The following SLC27A3 variants were observed in gnomAD, a reference collection of about 807,000 sequenced individuals.
SLC27A3 encodes solute carrier family 27 member 3.
Under a neutral mutation model 60.1 loss-of-function variants are expected in SLC27A3, and 60 were observed. The observed-to-expected ratio is 1.00, with a 90% CI of 0.81 to 1.24. The LOEUF (loss-of-function observed/expected upper bound fraction) is 1.24, where lower values mean the gene tolerates loss of function less well. Among genes scored for constraint, SLC27A3 ranks in the 50% most tolerant of loss-of-function variants. SLC27A3 has a pLI of 0.00. For missense variants in SLC27A3, 1,079 were observed against 929.9 expected (o/e 1.16, Z -2.09); for synonymous variants, 455 against 409.0 (o/e 1.11, Z -1.36).
rs1673239139 is a variant in SLC27A3 at position 153,776,614 on chromosome 1, G to C, written c.764G>C (p.Ser255Thr). ...CCAGGAACCCACCCTGCTGGAATTA[G>C]CGATTTGCTGGCTGAAGTGTCCGCT... ...AGPGTHPAGI[S>T]DLLAEVSAEV... Residue 255 changes from serine to threonine, a missense_variant, in exon 2 of 10, where the codon AGC becomes ACC. Coordinates refer to ENST00000624995, the MANE Select transcript of SLC27A3 (RefSeq NM_024330.4). 3 of 1,614,206 alleles carry C rather than the reference G, an allele frequency of 1.9e-6. No homozygotes were observed. The highest frequency in any genetic ancestry group is 2.5e-6 in the Non-Finnish European group (3 of 1,180,040).
At chr1:153,779,591 G>T (rs554869822) in intron 9 of SLC27A3, 118 bp downstream of exon 9, 3 of 1,196,266 alleles carry the variant, frequency 2.5e-6, no homozygotes, top group Non-Finnish European at 3.5e-6. Context: ...GACCCCCAAC[G>T]TAATACACTC....
At chr1:153,778,117 G>A (rs1418374525) in intron 4 of SLC27A3, 44 bp from the exon 5 acceptor site, 1 of 1,567,394 alleles carries the variant, frequency 6.4e-7, no homozygotes, top group African/African-American at 1.4e-5. Context: ...CCGGGAGCGG[G>A]CATCTTGATG....
Position 153,775,734 on chromosome 1 carries a change from C to G in SLC27A3, c.237C>G (p.Ala79=). The change falls in exon 1 of 10, where the codon GCC becomes GCG. Residue 79 remains alanine, a synonymous_variant. Coordinates refer to ENST00000624995, the MANE Select transcript of SLC27A3 (RefSeq NM_024330.4). The part of the protein sequence containing the change: ...WRLAELAQQR[A]AHTFLIHGSR... ...TCGCGGAACTGGCCCAGCAGCGCGC[C>G]GCGCACACCTTTCTCATTCACGGCT... The G allele has an allele frequency of 6.6e-7, 1 of 1,515,984 alleles. No homozygotes were observed. The highest frequency in any genetic ancestry group is 8.8e-7 in the Non-Finnish European group (1 of 1,136,342). 93.9% of individuals were successfully genotyped at this position (1,515,984 alleles called of 1,614,324 possible). A position where few individuals can be genotyped will look rare whatever the true frequency, so the allele number is the denominator to read the frequency against.
Position 153,777,814 on chromosome 1 carries a change from T to A in SLC27A3, c.1090T>A (p.Cys364Ser). The change falls in exon 4 of 10, where the codon TGC (cysteine) becomes AGC (serine). Residue 364 changes from cysteine to serine, a missense_variant. Physicochemically the swap from Cys to Ser is moderately radical, Grantham distance 112. Transcript: ENST00000624995. Reference sequence around the variant, plus strand: ...CTCGGCTGGTCAGTTCTGGGAAGATTGCCAGCAGCACAGGGTGACGGTGTT... The same window carrying A: ...CTCGGCTGGTCAGTTCTGGGAAGATAGCCAGCAGCACAGGGTGACGGTGTT... ...KFSAGQFWEDCQQHRVTVFQY... is the reference protein window; with the variant it reads ...KFSAGQFWEDSQQHRVTVFQY... The A allele has an allele frequency of 6.2e-7, 1 of 1,614,188 alleles. No individual in the cohort carries two copies. Among genetic ancestry groups the A allele is most frequent in the Non-Finnish European group, 8.5e-7 (1 of 1,180,016 alleles).
Position 153,775,586 on chromosome 1 carries a change from C to A in SLC27A3, c.89C>A (p.Pro30Gln). Residue 30 changes from proline to glutamine, a missense_variant, in exon 1 of 10, where the codon CCG becomes CAG. By Grantham distance (76) the Pro-to-Gln change is moderately conservative. Transcript: ENST00000624995. Reference sequence around the variant, plus strand: ...CTCTGGCCGCAGTTGCGCTGGCTTCCGGCGGACTTGGCCTTTGCGGTGCGA... The same window carrying A: ...CTCTGGCCGCAGTTGCGCTGGCTTCAGGCGGACTTGGCCTTTGCGGTGCGA... ...LHLWPQLRWL[P>Q]ADLAFAVRAL... The A allele has an allele frequency of 6.2e-7, 1 of 1,605,842 alleles. No homozygotes were observed. The highest frequency in any genetic ancestry group is 8.5e-7 in the Non-Finnish European group (1 of 1,178,166).
At chr1:153,777,678 C>T (rs568689182) in intron 3 of SLC27A3, 83 bp from the exon 4 acceptor site, 2 of 1,528,750 alleles carry the variant, frequency 1.3e-6, no homozygotes, top group East Asian at 4.5e-5. Context: ...ACAGTGATGG[C>T]TGGGGTCTGG....
rs777276444 is a variant in SLC27A3 at position 153,779,366 on chromosome 1, G to A, written c.1768G>A (p.Ala590Thr). ...AGGGCATGAAGGCAGGGCTGGAATG[G>A]CAGCCCTAGTTCTGCGTCCCCCCCA... ...VPGHEGRAGM[A>T]ALVLRPPHAL... Residue 590 changes from alanine (A) to threonine (T), a missense_variant, in exon 9 of 10, where the codon GCA becomes ACA. Coordinates refer to ENST00000624995, the MANE Select transcript of SLC27A3 (RefSeq NM_024330.4). 2.5e-6 allele frequency: 4 copies of A among 1,613,922 alleles called. No homozygotes were observed. Among genetic ancestry groups the A allele is most frequent in the East Asian group, 4.5e-5 (2 of 44,890 alleles).
Position 153,778,491 on chromosome 1 carries a change from A to G in SLC27A3, c.1385A>G (p.Tyr462Cys), listed in dbSNP as rs1185745382. ...KHIFPFSLIR[Y>C]DVTTGEPIRD... ...ATCTTCCCCTTCTCCTTGATTCGCT[A>G]TGATGTCACCACAGGAGAGCCAATT... The change falls in exon 6 of 10, where the codon TAT becomes TGT. Residue 462 changes from tyrosine (Y) to cysteine (C), a missense_variant. By Grantham distance (194) the Tyr-to-Cys change is radical. Coordinates refer to ENST00000624995, the MANE Select transcript of SLC27A3 (RefSeq NM_024330.4). 3 of 1,613,986 alleles carry G rather than the reference A, an allele frequency of 1.9e-6. No individual in the cohort carries two copies. The African/African-American group carries it at 4.0e-5, about 22-fold the overall frequency.
Position 153,776,140 on chromosome 1 carries a change from G to T in SLC27A3, c.643G>T (p.Ala215Ser), listed in dbSNP as rs914315752. ...PLLHCLRSCG[A>S]RALVLAPEFL... The stretch of plus-strand genomic sequence containing the variant: ...GCTGCACTGCCTCCGCAGCTGCGGC[G>T]CGCGCGCGCTGGTGCTGGCGCCAGG... Residue 215 changes from alanine (A) to serine (S), a missense_variant, in exon 1 of 10, where the codon GCG (alanine) becomes TCG (serine). Physicochemically the swap from Ala to Ser is moderately conservative, Grantham distance 99 (BLOSUM62 1). Transcript: ENST00000624995. The T allele has an allele frequency of 3.5e-6, 5 of 1,429,920 alleles. No individual in the cohort carries two copies. Among genetic ancestry groups the T allele is most frequent in the Non-Finnish European group, 3.6e-6 (4 of 1,104,468 alleles). The allele number at this position is 1,429,920 out of a possible 1,614,324, so 88.6% of individuals were successfully genotyped here. A position where few individuals can be genotyped will look rare whatever the true frequency, so the allele number is the denominator to read the frequency against.
intron 3 of SLC27A3, 144 bp from the exon 4 acceptor site, chr1:153,777,617 C>T (rs948661714): frequency 3.6e-5 from 39 of 1,073,528 alleles, no homozygotes; most frequent in Middle Eastern, 2.2e-4. Context: ...AGGGCCAGCA[C>T]GGCTTCCTGA....
rs1214079601 is a variant in SLC27A3 at position 153,777,189 on chromosome 1, C to A, written c.1005C>A (p.Ser335=). The A allele has an allele frequency of 6.2e-7, 1 of 1,614,252 alleles. No individual in the cohort carries two copies. The highest frequency in any genetic ancestry group is 8.5e-7 in the Non-Finnish European group (1 of 1,180,046). The change falls in exon 3 of 10, where the codon TCC becomes TCA. Residue 335 remains serine, a synonymous_variant. Transcript: ENST00000624995. ...TCCCACTCTACCACATGTCCGGTTC[C>A]CTGCTGGGCATCGTGGGCTGCATGG... ...LALPLYHMSG[S]LLGIVGCMGI...
rs372144871 is a variant in SLC27A3, at chr1:153,778,457, C to T, written c.1357-6C>T. The T allele has an allele frequency of 6.2e-7, 1 of 1,613,968 alleles. No individual in the cohort carries two copies. Among genetic ancestry groups the T allele is most frequent in the Non-Finnish European group, 8.5e-7 (1 of 1,179,930 alleles). ...TGATCCAGTACCCAGGTCTCCCTTT[C>T]CCCAGCATATCTTCCCCTTCTCCTT... On this transcript the variant is annotated splice_region_variant and splice_polypyrimidine_tract_variant and intron_variant, in intron 5 of 9. Transcript: ENST00000624995.
rs761040962 is a variant in SLC27A3, at chr1:153,778,894, C to T, written c.1646+9C>T. 1.9e-6 allele frequency: 3 copies of T among 1,613,278 alleles called. No homozygotes were observed. In the South Asian group the frequency reaches 3.3e-5, roughly 18 times the overall value. Reference sequence around the variant, plus strand: ...ACTGGAGACACCTTCAGGTATCTGTCCATAACTGGTTTTTCATCCTGGACA... The same window carrying T: ...ACTGGAGACACCTTCAGGTATCTGTTCATAACTGGTTTTTCATCCTGGACA... On this transcript the variant is annotated intron_variant, in intron 7 of 9. Transcript: ENST00000624995.
At chr1:153,779,804 T>C in intron 9 of SLC27A3, 22 bp from the exon 10 acceptor site, 1 of 1,608,458 alleles carries the variant, frequency 6.2e-7, no homozygotes, top group Non-Finnish European at 8.5e-7. Context: ...TCCCTCCAAA[T>C]CCCTGACCCT....
chr1:153,777,089 A>T lies in SLC27A3; in HGVS notation c.905A>T (p.His302Leu), dbSNP rs778067257. 1 of 1,614,232 alleles carries T rather than the reference A, an allele frequency of 6.2e-7. No individual in the cohort carries two copies. The highest frequency in any genetic ancestry group is 1.7e-5 in the Admixed American group (1 of 60,030). Residue 302 changes from histidine to leucine, a missense_variant, in exon 3 of 10, where the codon CAT becomes CTT. Coordinates refer to ENST00000624995, the MANE Select transcript of SLC27A3 (RefSeq NM_024330.4). ...TGLPKAARIS[H>L]LKILQCQGFY... Reference sequence around the variant, plus strand: ...CTCCCCAAGGCTGCTCGGATCAGTCATCTGAAGATCCTGCAATGCCAGGGC... The same window carrying T: ...CTCCCCAAGGCTGCTCGGATCAGTCTTCTGAAGATCCTGCAATGCCAGGGC...
Position 153,776,151 on chromosome 1 carries a change from G to A in SLC27A3, c.654G>A (p.Leu218=), listed in dbSNP as rs568906999. The change falls in exon 1 of 10, where the codon CTG becomes CTA. Residue 218 remains leucine (L), a synonymous_variant. Transcript: ENST00000624995. ...HCLRSCGARA[L]VLAPEFLESL... ...TCCGCAGCTGCGGCGCGCGCGCGCT[G>A]GTGCTGGCGCCAGGTAAGGCTGGAG... 2 of 1,422,838 alleles carry A rather than the reference G, an allele frequency of 1.4e-6. No individual in the cohort carries two copies. Among genetic ancestry groups the A allele is most frequent in the South Asian group, 1.5e-5 (1 of 66,026 alleles). The allele number at this position is 1,422,838 out of a possible 1,614,324, so 88.1% of individuals were successfully genotyped here.
In SLC27A3 at chr1:153,775,970, G is replaced by A; in HGVS notation, c.473G>A (p.Gly158Glu). ...GGAGGGGACGGTGCCGCCAGAGGTG[G>A]AGGAGCCGCCGCCCCTCTGTCACCT... ...FAGGDGAARG[G>E]GAAAPLSPGA... Residue 158 changes from glycine (G) to glutamate (E), a missense_variant, in exon 1 of 10, where the codon GGA becomes GAA. Transcript: ENST00000624995. 1 of 1,438,788 alleles carries A rather than the reference G, an allele frequency of 7.0e-7. No homozygotes were observed. The highest frequency in any genetic ancestry group is 9.1e-7 in the Non-Finnish European group (1 of 1,102,980). 89.1% of individuals were successfully genotyped at this position (1,438,788 alleles called of 1,614,324 possible).
At position 153,779,825 on chromosome 1, in the gene SLC27A3, G is replaced by A. The variant is rs940220692; in HGVS notation, c.1876-1G>A. The A allele has an allele frequency of 1.9e-6, 3 of 1,613,596 alleles. No homozygotes were observed. In the South Asian group the frequency reaches 3.3e-5, roughly 18 times the overall value. On this transcript the variant is annotated splice_acceptor_variant, in intron 9 of 9. Transcript: ENST00000624995. LOFTEE classifies it high-confidence loss of function. ...CAAATCCCTGACCCTCCTGTCCCCA[G>A]GAGTCTTTGGCCACCACAGAGACCT...
In SLC27A3 at chr1:153,776,583, G is replaced by GCAC. The variant is rs1196839240; in HGVS notation, c.735_736insCCA (p.Ala245_Gly246insPro). ...AGCCATGGGGCTCCACCTGTGGGCT[G>GCAC]CAGGCCCAGGAACCCACCCTGCTGG... On this transcript the variant is annotated inframe_insertion, in exon 2 of 10. Transcript: ENST00000624995. 11 of 1,614,108 alleles carry GCAC rather than the reference G, an allele frequency of 6.8e-6. No homozygotes were observed. The highest frequency in any genetic ancestry group is 9.3e-6 in the Non-Finnish European group (11 of 1,180,044).
Sources: allele counts gnomAD v4.1 joint callset, GRCh38; gene constraint gnomAD v4.1.1; transcripts MANE v1.5; gene names NCBI Gene and HGNC (gene_info 2026-07-23, HGNC 2026-07-21).